The following TAOK2 variants were observed in gnomAD, a reference collection of about 807,000 sequenced individuals.
The protein encoded by TAOK2 is TAO kinase 2.
In TAOK2, 42 loss-of-function variants were observed where a neutral mutation model predicts 122.5. The ratio of observed to expected loss-of-function variants is 0.34; its 90% CI spans 0.27 to 0.44. TAOK2 has a LOEUF of 0.44. Among genes scored for constraint, TAOK2 ranks in the 20% least tolerant of loss-of-function variants. The pLI, the probability that TAOK2 is intolerant of heterozygous loss-of-function variation, is 1.00. For synonymous variants in TAOK2, 704 were observed against 677.6 expected (o/e 1.04, Z -0.61); for missense variants, 1,264 against 1,644.9 (o/e 0.77, Z 4.01).
chr16:29,989,145 G>A (rs1304966028), downstream of TAOK2: 21 of 985,008 alleles, frequency 2.1e-5, no homozygotes, highest in African/African-American at 5.3e-5. Context: ...GGTTCTTCTC[G>A]CTTGTTCTCG....
downstream of TAOK2, chr16:29,989,385 A>C (rs2069910874): frequency 4.1e-6 from 4 of 978,958 alleles, no homozygotes; most frequent in African/African-American, 7.3e-5. Flanking sequence ...CCACCTCTCC[A>C]TGTCTGTCTG....
intron 10 of TAOK2, 139 bp from the exon 11 acceptor site, chr16:29,982,595 G>A: frequency 8.8e-7 from 1 of 1,142,498 alleles, no homozygotes; most frequent in Non-Finnish European, 1.2e-6. Flanking sequence ...TGTGAGAGAA[G>A]GGCTTGGGAT....
chr16:29,982,512 G>C (rs1567242423), intron 10 of TAOK2, among the ~76,000 whole-genome samples: 1 of 152,218 alleles, frequency 6.6e-6, no homozygotes, highest in South Asian at 2.1e-4. Flanking sequence ...TCTCCTGACT[G>C]TCCCTGCCTG....
chr16:29,977,180 A>G (rs958862747), intron 1 of TAOK2, among the ~76,000 whole-genome samples: 4 of 151,784 alleles, frequency 2.6e-5, no homozygotes, highest in African/African-American at 9.7e-5. Flanking sequence ...TCTCCCCCTG[A>G]CTTTTTTGAG....
In TAOK2 at chr16:29,987,881, C is replaced by G; in HGVS notation, c.3609C>G (p.Arg1203=). The G allele has an allele frequency of 6.2e-7, 1 of 1,601,122 alleles. No homozygotes were observed. Among genetic ancestry groups the G allele is most frequent in the Non-Finnish European group, 8.5e-7 (1 of 1,176,558 alleles). ...RIPRLLPRSQ[R]QLGPPASRQP... is the part of the protein sequence containing the mutation. The stretch of plus-strand genomic sequence containing the variant: ...CCCGGCTACTACCACGCAGCCAGCG[C>G]CAGCTAGGGCCCCCTGCCTCCCGCC... Residue 1203 remains arginine, a synonymous_variant, in exon 16 of 16, where the codon CGC becomes CGG. Coordinates refer to ENST00000308893, the MANE Select transcript of TAOK2 (RefSeq NM_016151.4).
chr16:29,989,043 C>T, downstream of TAOK2: 1 of 985,408 alleles, frequency 1.0e-6, no homozygotes, highest in Non-Finnish European at 1.2e-6. Context: ...GCTTCTCCTC[C>T]TTCCCTGCCT....
Position 29,987,488 on chromosome 16 carries a change from G to A in TAOK2, c.3216G>A (p.Gln1072=), listed in dbSNP as rs145325223. 3.8e-6 allele frequency: 6 copies of A among 1,595,144 alleles called. No individual in the cohort carries two copies. The highest frequency in any genetic ancestry group is 5.1e-6 in the Non-Finnish European group (6 of 1,169,348). ...AMAAGGRWVR[Q]QGPRVRRGIS... Reference sequence around the variant, plus strand: ...CAGCGGGGGGCAGATGGGTGCGGCAGCAGGGCCCCCGGGTGCGCCGGGGCA... The same window carrying A: ...CAGCGGGGGGCAGATGGGTGCGGCAACAGGGCCCCCGGGTGCGCCGGGGCA... Residue 1072 remains glutamine (Q), a synonymous_variant, in exon 16 of 16, where the codon CAG becomes CAA. Transcript: ENST00000308893.
chr16:29,991,305 C>T (rs374910861), downstream of TAOK2: 9 of 1,610,834 alleles, frequency 5.6e-6, no homozygotes, highest in East Asian at 2.2e-5. This position sits in a 1 kb window ranked among gnomAD's most constrained non-coding sequence, Gnocchi z 5.6. Context: ...ACCAGGCATG[C>T]CCCCTCCAGC....
At chr16:29,991,378 A>T, downstream of TAOK2, 2 of 1,582,332 alleles carry the variant, frequency 1.3e-6, no homozygotes, top group African/African-American at 2.7e-5. This position sits in a 1 kb window ranked among gnomAD's most constrained non-coding sequence, Gnocchi z 5.6. Flanking sequence ...CCCCCCACAC[A>T]AAGTGGGACA....
chr16:29,989,580 G>A (rs3814881), downstream of TAOK2: 695,974 of 1,612,652 alleles, frequency 0.43, 154,392 homozygotes, highest in South Asian at 0.5. Context: ...CCCTTGATCC[G>A]TCCACTGCAT....
rs1415293163 is a variant in TAOK2, at chr16:29,988,154, G to T, written c.*174G>T. On this transcript the variant is annotated 3_prime_UTR_variant, in exon 16 of 16. Coordinates refer to ENST00000308893, the MANE Select transcript of TAOK2 (RefSeq NM_016151.4). Reference sequence around the variant, plus strand: ...GACAGGCAGCCTCCTCAGCTGTGGAGTCCAGCAGTCACTCTGTGTTCTCCT... The same window carrying T: ...GACAGGCAGCCTCCTCAGCTGTGGATTCCAGCAGTCACTCTGTGTTCTCCT... The T allele has an allele frequency of 1.4e-6, 2 of 1,432,946 alleles. No homozygotes were observed. The highest frequency in any genetic ancestry group is 2.9e-5 in the African/African-American group (2 of 69,584). 88.8% of individuals were successfully genotyped at this position (1,432,946 alleles called of 1,614,324 possible).
Position 29,986,645 on chromosome 16 carries a change from G to A in TAOK2, c.2373G>A (p.Glu791=). The change falls in exon 16 of 16, where the codon GAG becomes GAA. Residue 791 remains glutamate (E), a synonymous_variant. Coordinates refer to ENST00000308893, the MANE Select transcript of TAOK2 (RefSeq NM_016151.4). This position sits in a 1 kb window ranked among gnomAD's most constrained non-coding sequence, Gnocchi z 4.2. ...EAVLDQRMLG[E]EEEAVGERRI... ...TCCTGGACCAAAGAATGCTTGGCGAGGAGGAGGAAGCAGTTGGAGAGAGAA... is the reference window on the plus strand; with the variant it reads ...TCCTGGACCAAAGAATGCTTGGCGAAGAGGAGGAAGCAGTTGGAGAGAGAA... 6.2e-7 allele frequency: 1 copy of A among 1,611,942 alleles called. No homozygotes were observed. Among genetic ancestry groups the A allele is most frequent in the Non-Finnish European group, 8.5e-7 (1 of 1,179,210 alleles).
chr16:29,978,478 CTT>C (rs908180017), intron 4 of TAOK2, 125 bp downstream of exon 4: 6 of 1,054,172 alleles, frequency 5.7e-6, no homozygotes, highest in South Asian at 1.4e-5. Flanking sequence ...GAGGAAGTCT[CTT>C]TTGACCGCTT....
downstream of TAOK2, chr16:29,990,904 G>A (rs764299214): frequency 2.5e-6 from 4 of 1,613,678 alleles, no homozygotes; most frequent in Non-Finnish European, 2.5e-6. Context: ...GAGCCAGCAC[G>A]AGAGGGAGCT....
At position 29,985,064 on chromosome 16, in the gene TAOK2, C is replaced by G; in HGVS notation, c.1423-149C>G. The G allele has an allele frequency of 1.0e-6, 1 of 1,004,982 alleles. No individual in the cohort carries two copies. Among genetic ancestry groups the G allele is most frequent in the Non-Finnish European group, 1.3e-6 (1 of 744,536 alleles). 62.3% of individuals were successfully genotyped at this position (1,004,982 alleles called of 1,614,324 possible). ...TATCACCATTATCCAGTTGAGGAAA[C>G]AGGCTAGAGTGGCCGTGTGTGAGGA... On this transcript the variant is annotated intron_variant, in intron 13 of 15. Coordinates refer to ENST00000308893, the MANE Select transcript of TAOK2 (RefSeq NM_016151.4). This position sits in a 1 kb window ranked among gnomAD's most constrained non-coding sequence, Gnocchi z 6.9.
In TAOK2 at chr16:29,988,064, C is replaced by T; in HGVS notation, c.*84C>T. Reference sequence around the variant, plus strand: ...CAGTGAAGTTTCTCCAGTCCCTAGTCCTCTCTTTTCACCCACCTTCCTCAG... The same window carrying T: ...CAGTGAAGTTTCTCCAGTCCCTAGTTCTCTCTTTTCACCCACCTTCCTCAG... On this transcript the variant is annotated 3_prime_UTR_variant, in exon 16 of 16. Transcript: ENST00000308893. The T allele has an allele frequency of 6.9e-7, 1 of 1,451,090 alleles. No individual in the cohort carries two copies. Among genetic ancestry groups the T allele is most frequent in the Non-Finnish European group, 9.0e-7 (1 of 1,107,928 alleles). 89.9% of individuals were successfully genotyped at this position (1,451,090 alleles called of 1,614,324 possible). A position where few individuals can be genotyped will look rare whatever the true frequency, so the allele number is the denominator to read the frequency against.
chr16:29,976,448 AC>A (rs1292700167), intron 1 of TAOK2, among the ~76,000 whole-genome samples: 1 of 152,242 alleles, frequency 6.6e-6, no homozygotes, highest in Non-Finnish European at 1.5e-5. Context: ...ACAACAGGAA[AC>A]AATGCATGAC....
At position 29,979,196 on chromosome 16, in the gene TAOK2, G is replaced by A; in HGVS notation, c.451G>A (p.Asp151Asn). The change falls in exon 7 of 16, where the codon GAT (aspartate) becomes AAT (asparagine). Residue 151 changes from aspartate (D) to asparagine (N), a missense_variant and splice_region_variant. Physicochemically the swap from Asp to Asn is conservative, Grantham distance 23 (BLOSUM62 1). Coordinates refer to ENST00000308893, the MANE Select transcript of TAOK2 (RefSeq NM_016151.4). This position sits in a 1 kb window ranked among gnomAD's most constrained non-coding sequence, Gnocchi z 4.1. ...YLHSHNMIHR[D>N]VKAGNILLSE... ...ATCCCTGTACTTTGCCTCTGGCAGGGATGTGAAGGCTGGAAACATCCTGCT... is the reference window on the plus strand; with the variant it reads ...ATCCCTGTACTTTGCCTCTGGCAGGAATGTGAAGGCTGGAAACATCCTGCT... The A allele has an allele frequency of 6.2e-7, 1 of 1,614,186 alleles. No individual in the cohort carries two copies. Among genetic ancestry groups the A allele is most frequent in the Non-Finnish European group, 8.5e-7 (1 of 1,180,010 alleles).
downstream of TAOK2, chr16:29,991,490 C>T (rs765685808): frequency 1.6e-5 from 24 of 1,477,520 alleles, no homozygotes; most frequent in African/African-American, 2.9e-5. This position sits in a 1 kb window ranked among gnomAD's most constrained non-coding sequence, Gnocchi z 5.6. Context: ...CCCCTGCTGC[C>T]GCGGTGCCCG....
Sources: allele counts gnomAD v4.1 joint callset (sites outside exome capture counted in the v4.1 genomes callset), GRCh38; gene constraint gnomAD v4.1.1; non-coding constraint Gnocchi (gnomAD v3.1); transcripts MANE v1.5; gene names NCBI Gene and HGNC (gene_info 2026-07-23, HGNC 2026-07-21).